Variants in CDC34 observed in about 807,000 individuals in gnomAD.
CDC34 encodes the protein cell division cycle 34, ubiquitin conjugating enzyme.
In CDC34, 18 loss-of-function variants were observed where a neutral mutation model predicts 26.8. The observed-to-expected ratio is 0.67, with a 90% CI of 0.47 to 1.00. The LOEUF is 1.00. Ranked by LOEUF, CDC34 falls within the 50% of genes least tolerant of loss-of-function variation. CDC34 has a pLI of 0.00. For synonymous variants in CDC34, 178 were observed against 147.5 expected (o/e 1.21, Z -1.50); for missense variants, 280 against 334.5 (o/e 0.84, Z 1.27).
chr19:536,189 C>T, intron 2 of CDC34, 54 bp from the exon 3 acceptor site: 3 of 1,428,970 alleles, frequency 2.1e-6, no homozygotes, highest in Non-Finnish European at 1.9e-6. Context: ...ACCTGGGGCA[C>T]TGGGAGCCCG....
intron 4 of CDC34, 165 bp from the exon 5 acceptor site, chr19:541,174 C>G (rs1017174319): frequency 1.1e-6 from 1 of 876,606 alleles, no homozygotes. Context: ...TGTCATTTCT[C>G]CCCCTGGAGT....
chr19:532,119 C>A lies in CDC34; in HGVS notation c.177+11C>A. 6.7e-7 allele frequency: 1 copy of A among 1,487,568 alleles called. No individual in the cohort carries two copies. The highest frequency in any genetic ancestry group is 2.9e-5 in the Admixed American group (1 of 34,652). The allele number at this position is 1,487,568 out of a possible 1,614,324, so 92.1% of individuals were successfully genotyped here. On this transcript the variant is annotated intron_variant, in intron 1 of 4. Transcript: ENST00000215574. ...GGCGGCTACTTCAAGGTGAGCGCGG[C>A]GACCCCCGCCCGGGTCCCGGAGCCC...
At chr19:541,000 C>G (rs1568332431) in intron 4 of CDC34, among the ~76,000 whole-genome samples, 2 of 152,256 alleles carry the variant, frequency 1.3e-5, no homozygotes, top group Non-Finnish European at 2.9e-5. Flanking sequence ...CTTTTGCCCC[C>G]CAGTGGGGCA....
rs538608200 is a variant in CDC34, at chr19:539,029, C to T, written c.497+1882C>T. On this transcript the variant is annotated intron_variant, in intron 4 of 4. Coordinates refer to ENST00000215574, the MANE Select transcript of CDC34 (RefSeq NM_004359.2). ...AAATAAAAGCCACACTATTTTTATC[C>T]CTCAAAACTCCCTGTGGGCCAACAC... 22 of 983,510 alleles carry T rather than the reference C, an allele frequency of 2.2e-5. No homozygotes were observed. In the South Asian group the frequency reaches 8.5e-4, roughly 38 times the overall value. The allele number at this position is 983,510 out of a possible 1,614,324, so 60.9% of individuals were successfully genotyped here. A position where few individuals can be genotyped will look rare whatever the true frequency, so the allele number is the denominator to read the frequency against.
chr19:538,199 TAGTC>T (rs1568331320), intron 4 of CDC34, among the ~76,000 whole-genome samples: 1 of 152,238 alleles, frequency 6.6e-6, no homozygotes, highest in Non-Finnish European at 1.5e-5. Context: ...GACTGACTGT[TAGTC>T]AGGGGTGTTG....
At position 535,847 on chromosome 19, in the gene CDC34, A is replaced by C. The variant is rs761984062; in HGVS notation, c.188A>C (p.Lys63Thr). The C allele has an allele frequency of 5.0e-6, 8 of 1,613,750 alleles. No individual in the cohort carries two copies. The East Asian group carries it at 6.7e-5, about 13-fold the overall frequency. ...YEGGYFKARL[K>T]FPIDYPYSPP... ...CTTCTGCCCCTGCAGGCGCGCCTCA[A>C]GTTCCCCATCGACTACCCATACTCT... The change falls in exon 2 of 5, where the codon AAG becomes ACG. Residue 63 changes from lysine (K) to threonine (T), a missense_variant. Transcript: ENST00000215574.
chr19:536,162 C>T (rs1048408621), intron 2 of CDC34, 81 bp from the exon 3 acceptor site: 53 of 1,176,974 alleles, frequency 4.5e-5, no homozygotes, highest in Non-Finnish European at 5.8e-5. Context: ...TCGTCCTCCA[C>T]GTCCTCATCC....
chr19:536,715 G>A, intron 3 of CDC34: 1 of 538,462 alleles, frequency 1.9e-6, no homozygotes, highest in Non-Finnish European at 3.4e-6. Flanking sequence ...ACTGGGCCGT[G>A]TTGCCCGTGT....
intron 1 of CDC34, 60 bp downstream of exon 1, chr19:532,168 A>G (rs902903920): frequency 1.5e-6 from 2 of 1,339,976 alleles, no homozygotes; most frequent in Admixed American, 3.7e-5. Context: ...GGCGCCGGGA[A>G]CCAGCTCCCT....
Position 531,942 on chromosome 19 carries a change from C to G in CDC34, c.11C>G (p.Pro4Arg). Residue 4 changes from proline (P) to arginine (R), a missense_variant, in exon 1 of 5, where the codon CCG becomes CGG. Pro to Arg is a moderately radical substitution (Grantham distance 103). Coordinates refer to ENST00000215574, the MANE Select transcript of CDC34 (RefSeq NM_004359.2). The part of the protein sequence containing the change: MAR[P>R]LVPSSQKALL... Reference sequence around the variant, plus strand: ...CCCTCCGCCGCCGCCATGGCTCGGCCGCTAGTGCCCAGCTCGCAGAAGGCG... The same window carrying G: ...CCCTCCGCCGCCGCCATGGCTCGGCGGCTAGTGCCCAGCTCGCAGAAGGCG... The G allele has an allele frequency of 6.9e-7, 1 of 1,443,816 alleles. No homozygotes were observed. The highest frequency in any genetic ancestry group is 9.1e-7 in the Non-Finnish European group (1 of 1,102,248). 89.4% of individuals were successfully genotyped at this position (1,443,816 alleles called of 1,614,324 possible).
intron 1 of CDC34, 109 bp downstream of exon 1, chr19:532,217 A>G: frequency 1.1e-5 from 10 of 880,096 alleles, no homozygotes; most frequent in Non-Finnish European, 1.6e-5. Flanking sequence ...CGGGCCCCGA[A>G]GCCTCCTGGC....
At chr19:534,244 G>A (rs1032225579) in intron 1 of CDC34, among the ~76,000 whole-genome samples, 13 of 152,034 alleles carry the variant, frequency 8.6e-5, no homozygotes, top group African/African-American at 2.2e-4. Flanking sequence ...CTCTGTGGCC[G>A]CGGCCAAGTC....
chr19:532,475 C>A (rs1056863602), intron 1 of CDC34, among the ~76,000 whole-genome samples: 1 of 152,192 alleles, frequency 6.6e-6, no homozygotes, highest in African/African-American at 2.4e-5. Flanking sequence ...CCGGCTGCCT[C>A]CCCCTCCGCC....
chr19:538,844 C>G, intron 4 of CDC34: 1 of 985,230 alleles, frequency 1.0e-6, no homozygotes, highest in Non-Finnish European at 1.2e-6. Context: ...ACCTGCTGGC[C>G]TCTGGAGGTC....
Position 536,413 on chromosome 19 carries a change from C to G in CDC34, c.362+73C>G, listed in dbSNP as rs924336282. The G allele has an allele frequency of 6.7e-6, 8 of 1,191,546 alleles. No homozygotes were observed. In the East Asian group the frequency reaches 2.0e-4, roughly 30 times the overall value. The allele number at this position is 1,191,546 out of a possible 1,614,324, so 73.8% of individuals were successfully genotyped here. On this transcript the variant is annotated intron_variant, in intron 3 of 4. Coordinates refer to ENST00000215574, the MANE Select transcript of CDC34 (RefSeq NM_004359.2). ...GGGCTCCGTCCCGTATCCACCCAGA[C>G]CATCAGGTAGGCCGGGCTCCCCCAC...
chr19:535,359 C>T (rs1979691543), intron 1 of CDC34, among the ~76,000 whole-genome samples: 1 of 152,260 alleles, frequency 6.6e-6, no homozygotes, highest in Admixed American at 6.5e-5. Flanking sequence ...TGTTTGCTAA[C>T]TGAGCAATCA....
chr19:536,378 C>CA (rs751336520), intron 3 of CDC34, 38 bp downstream of exon 3: 3 of 1,488,686 alleles, frequency 2.0e-6, no homozygotes, highest in Non-Finnish European at 2.8e-6. Context: ...CCCAGAACAT[C>CA]AGGTAGGCCG....
At chr19:532,755 G>T (rs1979554759) in intron 1 of CDC34, among the ~76,000 whole-genome samples, 1 of 152,226 alleles carries the variant, frequency 6.6e-6, no homozygotes, top group African/African-American at 2.4e-5. Context: ...GGCGCCCTGG[G>T]CTCCATCCCC....
intron 1 of CDC34, among the ~76,000 whole-genome samples, chr19:534,092 C>A (rs1050680332): frequency 6.6e-6 from 1 of 152,206 alleles, no homozygotes; most frequent in African/African-American, 2.4e-5. Flanking sequence ...AAATAAGAGG[C>A]TCATTGGGAC....
Sources: gnomAD v4.1 joint callset for allele counts (sites outside exome capture counted in the v4.1 genomes callset) on GRCh38, gnomAD v4.1.1 for gene constraint, MANE v1.5 for transcripts, NCBI Gene and HGNC (gene_info 2026-07-23, HGNC 2026-07-21) for gene names.